Variants in NTNG1 observed in about 807,000 individuals in gnomAD.
NTNG1 encodes the protein netrin G1.
In NTNG1, 16 loss-of-function variants were observed where a neutral mutation model predicts 54.0. The ratio of observed to expected loss-of-function variants is 0.30; its 90% CI spans 0.20 to 0.45. The LOEUF is 0.45. Ranked by LOEUF, NTNG1 falls within the 20% of genes least tolerant of loss-of-function variation. The probability of loss-of-function intolerance (pLI) is 1.00; values close to 1 mark genes in which losing one functional copy is unlikely to be tolerated. For synonymous variants in NTNG1, 255 were observed against 263.1 expected (o/e 0.97, Z 0.30); for missense variants, 530 against 678.7 (o/e 0.78, Z 2.43).
intron 2 of NTNG1, among the ~76,000 whole-genome samples, chr1:107,261,553 G>A (rs55800581): frequency 0.015 from 2,287 of 152,190 alleles, 55 homozygotes; most frequent in African/African-American, 0.052. Context: ...TATTTAAAAA[G>A]ATAACTAGGG....
At chr1:107,420,131 C>T (rs114348987) in intron 5 of NTNG1, among the ~76,000 whole-genome samples, 1 of 152,146 alleles carries the variant, frequency 6.6e-6, no homozygotes, top group Non-Finnish European at 1.5e-5. Flanking sequence ...GAGTTTTGAG[C>T]TGAACAAGAT....
chr1:107,324,929 GA>G lies in NTNG1; in HGVS notation c.887+11del. 6.2e-7 allele frequency: 1 copy of G among 1,600,868 alleles called. No individual in the cohort carries two copies. Among genetic ancestry groups the G allele is most frequent in the Non-Finnish European group, 8.5e-7 (1 of 1,172,198 alleles). ...ACATAAAGGTGCGAGGAAGGTAAGAGAAAATCTGTCTGCCTTCAATGGGAAC... is the reference window on the plus strand; with the variant it reads ...ACATAAAGGTGCGAGGAAGGTAAGAGAAATCTGTCTGCCTTCAATGGGAAC... On this transcript the variant is annotated splice_region_variant and intron_variant, in intron 3 of 7. Transcript: ENST00000370068.
chr1:107,141,717 C>A (rs549917921), intron 1 of NTNG1, among the ~76,000 whole-genome samples: 2 of 152,166 alleles, frequency 1.3e-5, no homozygotes, highest in African/African-American at 4.8e-5. Context: ...GCCGGTGATG[C>A]GTCCTCTTGT....
intron 2 of NTNG1, among the ~76,000 whole-genome samples, chr1:107,317,835 C>T (rs1430494652): frequency 6.6e-6 from 1 of 152,126 alleles, no homozygotes; most frequent in Non-Finnish European, 1.5e-5. Flanking sequence ...TCTATGCCAG[C>T]GGGGAATCTC....
At position 107,227,666 on chromosome 1, in the gene NTNG1, G is replaced by GCTCTCTCT. The variant is rs10642554; in HGVS notation, c.246+78843_246+78850dup. On this transcript the variant is annotated intron_variant, in intron 2 of 7. Transcript: ENST00000370068. ...TTCATATTCTCAATCTGTCTCTCTC[G>GCTCTCTCT]CTCTCTCTCTCTCTCTCTCTCTCAC... Among the ~76,000 whole-genome samples the GCTCTCTCT allele has an allele frequency of 2.1e-3, 303 of 144,574 alleles. 2 individuals carry two copies. Among genetic ancestry groups the GCTCTCTCT allele is most frequent in the African/African-American group, 6.9e-3 (278 of 40,384 alleles). 94.8% of individuals were successfully genotyped at this position (144,574 alleles called of 152,430 possible). A position where few individuals can be genotyped will look rare whatever the true frequency, so the allele number is the denominator to read the frequency against.
intron 7 of NTNG1, among the ~76,000 whole-genome samples, chr1:107,448,098 C>T (rs529757102): frequency 1.5e-4 from 23 of 152,146 alleles, no homozygotes; most frequent in African/African-American, 4.3e-4. Context: ...AAATCTGAGA[C>T]GATTGACTTC....
intron 3 of NTNG1, among the ~76,000 whole-genome samples, chr1:107,390,672 C>G (rs1490416416): frequency 6.6e-6 from 1 of 152,148 alleles, no homozygotes; most frequent in Non-Finnish European, 1.5e-5. Context: ...AAATTAGACA[C>G]AGTAGAACAT....
rs557943431 is a variant in NTNG1 at position 107,346,142 on chromosome 1, G to A, written c.887+21220G>A. 9.9e-5 allele frequency among the ~76,000 whole-genome samples: 15 copies of A among 152,262 alleles called. No individual in the cohort carries two copies. The East Asian group carries it at 2.7e-3, about 27-fold the overall frequency. ...TAGATTTCAAAAAAGGAAAAATGTAGGAGACTAAGAAATACTGAACTACAG... is the reference window on the plus strand; with the variant it reads ...TAGATTTCAAAAAAGGAAAAATGTAAGAGACTAAGAAATACTGAACTACAG... On this transcript the variant is annotated intron_variant, in intron 3 of 7. Coordinates refer to ENST00000370068, the MANE Select transcript of NTNG1 (RefSeq NM_001113226.3).
intron 3 of NTNG1, among the ~76,000 whole-genome samples, chr1:107,349,811 A>G (rs918692261): frequency 1.3e-5 from 2 of 152,134 alleles, no homozygotes; most frequent in African/African-American, 4.8e-5. Flanking sequence ...GTGTGACTAT[A>G]CCACAGTTTA....
chr1:107,476,940 A>C (rs1678370283), intron 7 of NTNG1, among the ~76,000 whole-genome samples: 1 of 152,238 alleles, frequency 6.6e-6, no homozygotes, highest in African/African-American at 2.4e-5. Flanking sequence ...AACCATTTCT[A>C]GGTATTTCAA....
intron 2 of NTNG1, among the ~76,000 whole-genome samples, chr1:107,312,184 G>A (rs1667058000): frequency 6.6e-6 from 1 of 152,028 alleles, no homozygotes; most frequent in South Asian, 2.1e-4. Flanking sequence ...AATTAACGAA[G>A]GCAATGGCAA....
intron 2 of NTNG1, among the ~76,000 whole-genome samples, chr1:107,257,305 A>G (rs1662994954): frequency 6.6e-6 from 1 of 152,182 alleles, no homozygotes; most frequent in East Asian, 1.9e-4. Context: ...GTATCCCAAG[A>G]CTGTAGAACA....
chr1:107,297,196 A>C lies in NTNG1; in HGVS notation c.247-27086A>C, dbSNP rs571335293. Among the ~76,000 whole-genome samples the C allele has an allele frequency of 1.0e-3, 129 of 127,614 alleles. No homozygotes were observed. The Middle Eastern group carries it at 0.017, about 17-fold the overall frequency. The allele number at this position is 127,614 out of a possible 152,430, so 83.7% of individuals were successfully genotyped here. On this transcript the variant is annotated intron_variant, in intron 2 of 7. Transcript: ENST00000370068. ...CATCATATAACATCATATATATATA[A>C]CATCATATATATATACCATCATATA...
intron 2 of NTNG1, among the ~76,000 whole-genome samples, chr1:107,212,820 G>C (rs565016567): frequency 6.6e-6 from 1 of 152,088 alleles, no homozygotes; most frequent in East Asian, 1.9e-4. Context: ...GGAAACTATC[G>C]CGTATTGAGC....
At chr1:107,321,088 A>G (rs1667636396) in intron 2 of NTNG1, among the ~76,000 whole-genome samples, 1 of 152,078 alleles carries the variant, frequency 6.6e-6, no homozygotes, top group Non-Finnish European at 1.5e-5. Context: ...GACTTCCCAA[A>G]ATAAAATTAC....
rs142481413 is a variant in NTNG1, at chr1:107,379,544, G to A, written c.888-15610G>A. Among the ~76,000 whole-genome samples, 36 of 152,216 alleles carry A rather than the reference G, an allele frequency of 2.4e-4. 1 individual carries two copies. The highest frequency in any genetic ancestry group is 5.5e-4 in the African/African-American group (23 of 41,530). On this transcript the variant is annotated intron_variant, in intron 3 of 7. Transcript: ENST00000370068. Reference sequence around the variant, plus strand: ...CAGAAACCTTTCATGTGATAATTTAGCAATACTGTTACAAAGAACTCTGCA... The same window carrying A: ...CAGAAACCTTTCATGTGATAATTTAACAATACTGTTACAAAGAACTCTGCA...
chr1:107,259,043 A>G (rs1025001459), intron 2 of NTNG1, among the ~76,000 whole-genome samples: 1 of 152,222 alleles, frequency 6.6e-6, no homozygotes, highest in Non-Finnish European at 1.5e-5. Context: ...GGGATGACCA[A>G]AATTTGATTG....
chr1:107,405,818 A>C (rs1673379418), intron 4 of NTNG1, among the ~76,000 whole-genome samples: 1 of 152,120 alleles, frequency 6.6e-6, no homozygotes, highest in Non-Finnish European at 1.5e-5. Flanking sequence ...TCTGCAATTG[A>C]TACTAAAATT....
intron 4 of NTNG1, 92 bp from the exon 5 acceptor site, chr1:107,407,590 T>C (rs1427139087): frequency 5.0e-6 from 5 of 990,256 alleles, no homozygotes; most frequent in East Asian, 5.1e-5. Flanking sequence ...TATTATCAAG[T>C]GTCAAGTTTC....
Sources: gnomAD v4.1 joint callset for allele counts (sites outside exome capture counted in the v4.1 genomes callset) on GRCh38, gnomAD v4.1.1 for gene constraint, MANE v1.5 for transcripts, NCBI Gene and HGNC (gene_info 2026-07-23, HGNC 2026-07-21) for gene names.